The following TGFBRAP1 variants were observed in gnomAD, a reference collection of about 807,000 sequenced individuals.
TGFBRAP1 encodes the protein transforming growth factor beta receptor associated protein 1, also known as transforming growth factor-beta receptor-associated protein 1.
A neutral mutation model predicts 83.2 loss-of-function variants in TGFBRAP1; 20 were observed. The observed-to-expected ratio is 0.24, with a 90% CI of 0.17 to 0.35. The LOEUF is 0.35. Among genes scored for constraint, TGFBRAP1 ranks in the 10% least tolerant of loss-of-function variants. The pLI, the probability that TGFBRAP1 is intolerant of heterozygous loss-of-function variation, is 1.00. For missense variants in TGFBRAP1, 950 were observed against 1,099.4 expected, an observed-to-expected ratio of 0.86 and a Z score of 1.92; for synonymous variants, 415 against 459.8, an observed-to-expected ratio of 0.90 and a Z score of 1.25.
rs1677052919 is a variant in TGFBRAP1 at position 105,269,129 on chromosome 2, A to G, written c.2406+143T>C. The stretch of plus-strand genomic sequence containing the variant: ...TCTGCTCACACAGACCTCAGTTTCT[A>G]TGAGTAGGATCAGATATTGATGTGT... On this transcript the variant is annotated intron_variant, in intron 11 of 11. Transcript: ENST00000393359. This position sits in a 1 kb window ranked among gnomAD's most constrained non-coding sequence, Gnocchi z 4.1. 3.6e-6 allele frequency: 4 copies of G among 1,113,444 alleles called. No homozygotes were observed. In the East Asian group the frequency reaches 8.0e-5, roughly 22 times the overall value. 69.0% of individuals were successfully genotyped at this position (1,113,444 alleles called of 1,614,324 possible).
intron 5 of TGFBRAP1, among the ~76,000 whole-genome samples, chr2:105,281,365 C>G (rs978892933): frequency 6.6e-6 from 1 of 152,184 alleles, no homozygotes; most frequent in Non-Finnish European, 1.5e-5. Flanking sequence ...CTGTGGATCT[C>G]AAACCTGGCC....
the TGFBRAP1 span, among the ~76,000 whole-genome samples, chr2:105,253,355 A>G: frequency 6.6e-6 from 1 of 150,800 alleles, no homozygotes; most frequent in Non-Finnish European, 1.5e-5. Flanking sequence ...TTGGGCTTAA[A>G]CTCCTGACCT....
chr2:105,281,248 T>A (rs1435587094), intron 5 of TGFBRAP1, among the ~76,000 whole-genome samples: 1 of 152,200 alleles, frequency 6.6e-6, no homozygotes, highest in African/African-American at 2.4e-5. Flanking sequence ...GCCATTTCTG[T>A]GGGGACTCTC....
rs764527678 is a variant in TGFBRAP1, at chr2:105,316,462, T to TGCGCGCGCGC, written c.-17-8154_-17-8145dup. ...GTGTGTGTGTGTGTGTGTGTGTGTGTGCGCGCGCGCGCGCGCGCACGCGCA... is the reference window on the plus strand; with the variant it reads ...GTGTGTGTGTGTGTGTGTGTGTGTGTGCGCGCGCGCGCGCGCGCGCGCGCGCGCACGCGCA... On this transcript the variant is annotated intron_variant, in intron 1 of 11. Transcript: ENST00000393359. Among the ~76,000 whole-genome samples the TGCGCGCGCGC allele has an allele frequency of 2.6e-3, 223 of 84,792 alleles. 1 individual carries two copies. The highest frequency in any genetic ancestry group is 5.9e-3 in the African/African-American group (109 of 18,476). 55.6% of individuals were successfully genotyped at this position (84,792 alleles called of 152,430 possible). A position where few individuals can be genotyped will look rare whatever the true frequency, so the allele number is the denominator to read the frequency against.
At chr2:105,270,488 A>T (rs995258287) in intron 10 of TGFBRAP1, among the ~76,000 whole-genome samples, 2 of 152,218 alleles carry the variant, frequency 1.3e-5, no homozygotes, top group African/African-American at 2.4e-5. Context: ...GTCTCTAAGG[A>T]CCAGAAGTGA....
intron 1 of TGFBRAP1, among the ~76,000 whole-genome samples, chr2:105,315,740 ATACG>A (rs1678835328): frequency 6.6e-6 from 1 of 152,166 alleles, no homozygotes; most frequent in Admixed American, 6.5e-5. Flanking sequence ...TGGAAATCTC[ATACG>A]TTGCTGGAAG....
chr2:105,253,012 C>T, the TGFBRAP1 span, among the ~76,000 whole-genome samples: 1 of 152,158 alleles, frequency 6.6e-6, no homozygotes, highest in Non-Finnish European at 1.5e-5. Context: ...CCTCAGCCTC[C>T]CAAAGAGCTG....
At chr2:105,322,823 T>C (rs746343786) in intron 1 of TGFBRAP1, among the ~76,000 whole-genome samples, 2 of 152,180 alleles carry the variant, frequency 1.3e-5, no homozygotes, top group African/African-American at 4.8e-5. Context: ...CATTAACTGA[T>C]GCATGACTGT....
chr2:105,320,649 C>T (rs1380598159), intron 1 of TGFBRAP1, among the ~76,000 whole-genome samples: 1 of 152,178 alleles, frequency 6.6e-6, no homozygotes, highest in Non-Finnish European at 1.5e-5. Context: ...GCCAACCTTT[C>T]CTCCTTTATT....
Position 105,280,541 on chromosome 2 carries a change from A to T in TGFBRAP1, c.1304T>A (p.Val435Asp). The T allele has an allele frequency of 6.2e-7, 1 of 1,614,044 alleles. No homozygotes were observed. Among genetic ancestry groups the T allele is most frequent in the Non-Finnish European group, 8.5e-7 (1 of 1,180,010 alleles). Residue 435 changes from valine (V) to aspartate (D), a missense_variant, in exon 6 of 12, where the codon GTC becomes GAC. Val to Asp is a radical substitution (Grantham distance 152). Coordinates refer to ENST00000393359, the MANE Select transcript of TGFBRAP1 (RefSeq NM_004257.6). The part of the protein sequence containing the change: ...KRFLMSYLNE[V>D]RSTEVANGYK... ...GCCATTTGCTACCTCTGTGCTGCGG[A>T]CCTCGTTCAGGTAGCTCATGAGGAA...
chr2:105,296,036 T>C (rs1266562082), intron 4 of TGFBRAP1, among the ~76,000 whole-genome samples: 12 of 152,174 alleles, frequency 7.9e-5, no homozygotes. Flanking sequence ...ACTATGTTAT[T>C]GATCCTTCTC....
intron 1 of TGFBRAP1, among the ~76,000 whole-genome samples, chr2:105,318,196 A>G (rs1416040502): frequency 6.6e-6 from 1 of 152,162 alleles, no homozygotes; most frequent in Admixed American, 6.5e-5. Flanking sequence ...GAAAACTAGA[A>G]ACACCTCATG....
At chr2:105,258,388 G>T in the TGFBRAP1 span, among the ~76,000 whole-genome samples, 2 of 152,124 alleles carry the variant, frequency 1.3e-5, no homozygotes, top group Admixed American at 6.5e-5. Flanking sequence ...CCTCAGGAAA[G>T]ATCTACCCTT....
the TGFBRAP1 span, among the ~76,000 whole-genome samples, chr2:105,258,300 G>A: frequency 1.3e-5 from 2 of 152,120 alleles, no homozygotes; most frequent in East Asian, 1.9e-4. Context: ...ACTGGGCCAC[G>A]GGATGCCCAG....
intron 6 of TGFBRAP1, among the ~76,000 whole-genome samples, chr2:105,280,152 C>T (rs1677483051): frequency 6.6e-6 from 1 of 151,940 alleles, no homozygotes; most frequent in Admixed American, 6.6e-5. Context: ...GGAATGAGAA[C>T]AAATGCCCTC....
At chr2:105,290,802 C>T (rs183052154) in intron 4 of TGFBRAP1, among the ~76,000 whole-genome samples, 21 of 152,170 alleles carry the variant, frequency 1.4e-4, no homozygotes, top group Non-Finnish European at 2.2e-4. Context: ...GTCAGGAGTT[C>T]GAGACCAGCC....
At chr2:105,302,489 G>T (rs1678333157) in intron 2 of TGFBRAP1, among the ~76,000 whole-genome samples, 1 of 151,944 alleles carries the variant, frequency 6.6e-6, no homozygotes, top group African/African-American at 2.4e-5. Flanking sequence ...GCTATAAAAT[G>T]AAGGAGGAAT....
At chr2:105,319,614 C>A (rs537412483) in intron 1 of TGFBRAP1, among the ~76,000 whole-genome samples, 1 of 148,416 alleles carries the variant, frequency 6.7e-6, no homozygotes, top group South Asian at 2.1e-4. Context: ...ATCACTTGAA[C>A]CCAGGAGGCG....
At chr2:105,311,736 T>G (rs1232266599) in intron 1 of TGFBRAP1, among the ~76,000 whole-genome samples, 1 of 151,796 alleles carries the variant, frequency 6.6e-6, no homozygotes, top group African/African-American at 2.4e-5. Flanking sequence ...CCGTCTCTAC[T>G]AAAAATACAC....
Sources: allele counts gnomAD v4.1 joint callset (sites outside exome capture counted in the v4.1 genomes callset), GRCh38; gene constraint gnomAD v4.1.1; non-coding constraint Gnocchi (gnomAD v3.1); transcripts MANE v1.5; gene names NCBI Gene and HGNC (gene_info 2026-07-23, HGNC 2026-07-21).